The following NEGR1 variants were observed in gnomAD, a reference collection of about 807,000 sequenced individuals.
NEGR1 encodes neuronal growth regulator 1.
NEGR1 carries 10 observed loss-of-function variants against 40.9 expected under a neutral mutation model. That is an observed-to-expected ratio of 0.24 (90% CI 0.15 to 0.42). The LOEUF (loss-of-function observed/expected upper bound fraction) is 0.42. Ranked by LOEUF, NEGR1 falls within the 10% of genes least tolerant of loss-of-function variation. The probability of loss-of-function intolerance (pLI) is 1.00; values close to 1 mark genes in which losing one functional copy is unlikely to be tolerated. For synonymous variants in NEGR1, 185 were observed against 166.8 expected (o/e 1.11, Z -0.84); for missense variants, 352 against 438.9 (o/e 0.80, Z 1.77).
chr1:72,139,401 T>TGTAAACAGTTTACAGTTAAACTGTAA (rs1650588762), intron 1 of NEGR1, among the ~76,000 whole-genome samples: 1 of 151,986 alleles, frequency 6.6e-6, no homozygotes, highest in African/African-American at 2.4e-5. Flanking sequence ...CTTTTAATCA[T>TGTAAACAGTTTACAGTTAAACTGTAA]ACTGATCAGA....
chr1:71,692,672 G>A (rs867512028), intron 4 of NEGR1, among the ~76,000 whole-genome samples: 12 of 151,684 alleles, frequency 7.9e-5, no homozygotes, highest in Admixed American at 2.6e-4. Flanking sequence ...TCAAGCTTCC[G>A]TATAATTGTA....
intron 6 of NEGR1, among the ~76,000 whole-genome samples, chr1:71,541,439 G>A (rs919224437): frequency 2.1e-4 from 32 of 151,770 alleles, no homozygotes; most frequent in African/African-American, 7.5e-4. Flanking sequence ...GGCAGCTTGA[G>A]GGTGGAAGAC....
At chr1:71,814,437 G>A (rs1043962636) in intron 2 of NEGR1, among the ~76,000 whole-genome samples, 1 of 152,072 alleles carries the variant, frequency 6.6e-6, no homozygotes, top group Non-Finnish European at 1.5e-5. Flanking sequence ...AAGTGAGTTA[G>A]AGAGAAGTCC....
At chr1:72,094,486 T>C (rs540298273) in intron 1 of NEGR1, among the ~76,000 whole-genome samples, 9 of 152,290 alleles carry the variant, frequency 5.9e-5, no homozygotes, top group African/African-American at 1.9e-4. Flanking sequence ...GAACAGTGCC[T>C]GGTCTTTTCA....
rs534857613 is a variant in NEGR1 at position 71,918,254 on chromosome 1, A to G, written c.409+16825T>C. On this transcript the variant is annotated intron_variant, in intron 2 of 6. Coordinates refer to ENST00000357731, the MANE Select transcript of NEGR1 (RefSeq NM_173808.3). ...AAAAAAAAAAAAAAAAAAAAAAAAA[A>G]AAGAAGAAGAAGAACACATCATACT... Among the ~76,000 whole-genome samples the G allele has an allele frequency of 2.0e-3, 262 of 132,520 alleles. 3 individuals are homozygous for G. The highest frequency in any genetic ancestry group is 6.2e-3 in the South Asian group (25 of 4,056). 86.9% of individuals were successfully genotyped at this position (132,520 alleles called of 152,430 possible).
chr1:72,015,882 T>C (rs888670464), intron 1 of NEGR1, among the ~76,000 whole-genome samples: 18 of 151,986 alleles, frequency 1.2e-4, no homozygotes, highest in African/African-American at 4.3e-4. Flanking sequence ...AATCTCAAAG[T>C]ATATCAGAAT....
chr1:71,754,905 TC>T lies in NEGR1; in HGVS notation c.535+21266del, dbSNP rs553256949. Among the ~76,000 whole-genome samples the T allele has an allele frequency of 2.7e-3, 409 of 152,274 alleles. 3 individuals carry two copies. Among genetic ancestry groups the T allele is most frequent in the Non-Finnish European group, 4.2e-3 (289 of 68,028 alleles). The stretch of plus-strand genomic sequence containing the variant: ...CAGTCTCTTGCTCTTGTCTTTCAAA[TC>T]TTCAGATACTGGCCTTGGGCTCTCT... On this transcript the variant is annotated intron_variant, in intron 3 of 6. Coordinates refer to ENST00000357731, the MANE Select transcript of NEGR1 (RefSeq NM_173808.3).
intron 6 of NEGR1, among the ~76,000 whole-genome samples, chr1:71,456,692 C>A (rs1646675287): frequency 6.6e-6 from 1 of 152,126 alleles, no homozygotes; most frequent in Non-Finnish European, 1.5e-5. Context: ...AAAGAAAATT[C>A]AAAAAATTCC....
At chr1:71,689,802 T>A (rs1034028687) in intron 4 of NEGR1, among the ~76,000 whole-genome samples, 2 of 150,974 alleles carry the variant, frequency 1.3e-5, no homozygotes, top group Non-Finnish European at 3.0e-5. Context: ...TAACATTAAA[T>A]AAATTTAATA....
chr1:72,130,612 T>A (rs1650209731), intron 1 of NEGR1, among the ~76,000 whole-genome samples: 1 of 152,096 alleles, frequency 6.6e-6, no homozygotes, highest in Admixed American at 6.5e-5. Context: ...GCTACTGCTT[T>A]TAGGGTGACT....
chr1:71,539,884 A>G lies in NEGR1; in HGVS notation c.940+52933T>C, dbSNP rs969956653. On this transcript the variant is annotated intron_variant, in intron 6 of 6. Coordinates refer to ENST00000357731, the MANE Select transcript of NEGR1 (RefSeq NM_173808.3). ...TTCTATGCTTAATAAAATTAATAAA[A>G]TAACTTTATACTTATATTCAAAGTT... Among the ~76,000 whole-genome samples, 10 of 151,898 alleles carry G rather than the reference A, an allele frequency of 6.6e-5. 1 individual carries two copies. The highest frequency in any genetic ancestry group is 2.4e-4 in the African/African-American group (10 of 41,522).
At chr1:71,584,684 T>C (rs1649245512) in intron 6 of NEGR1, among the ~76,000 whole-genome samples, 1 of 152,106 alleles carries the variant, frequency 6.6e-6, no homozygotes, top group Non-Finnish European at 1.5e-5. Flanking sequence ...GCTTGATAAG[T>C]ATGCTCCAAG....
intron 1 of NEGR1, among the ~76,000 whole-genome samples, chr1:72,126,516 A>G (rs533010728): frequency 5.9e-5 from 9 of 152,290 alleles, no homozygotes; most frequent in Admixed American, 3.3e-4. Context: ...AAGCAGCACC[A>G]TACTATGACA....
At chr1:72,139,049 T>A (rs934805299) in intron 1 of NEGR1, among the ~76,000 whole-genome samples, 1 of 151,770 alleles carries the variant, frequency 6.6e-6, no homozygotes, top group South Asian at 2.1e-4. Flanking sequence ...AAGAAAGATA[T>A]TTGAAAAATT....
intron 1 of NEGR1, among the ~76,000 whole-genome samples, chr1:72,146,747 T>C (rs1166709948): frequency 6.6e-6 from 1 of 152,208 alleles, no homozygotes; most frequent in Non-Finnish European, 1.5e-5. Context: ...TTAAGTATGT[T>C]GAATAAGCGT....
intron 2 of NEGR1, among the ~76,000 whole-genome samples, chr1:71,859,639 C>T (rs1030105563): frequency 2.6e-5 from 4 of 151,724 alleles, no homozygotes; most frequent in Admixed American, 6.6e-5. Context: ...AGGGTAGATT[C>T]GGCCTGCAGA....
At chr1:72,122,719 G>T (rs959628218) in intron 1 of NEGR1, among the ~76,000 whole-genome samples, 3 of 151,792 alleles carry the variant, frequency 2.0e-5, no homozygotes, top group African/African-American at 4.8e-5. Context: ...AACTCCCATG[G>T]TAGCAATTTT....
At chr1:72,032,234 A>C (rs1005886826) in intron 1 of NEGR1, among the ~76,000 whole-genome samples, 2 of 152,192 alleles carry the variant, frequency 1.3e-5, no homozygotes, top group African/African-American at 2.4e-5. Flanking sequence ...TCTGTGAGGG[A>C]TAATTTGGGA....
chr1:71,585,674 T>C, intron 6 of NEGR1, among the ~76,000 whole-genome samples: 1 of 150,716 alleles, frequency 6.6e-6, no homozygotes. Flanking sequence ...ATTAATCTTG[T>C]ACAACCTCTC....
Sources: allele counts gnomAD v4.1 joint callset (sites outside exome capture counted in the v4.1 genomes callset), GRCh38; gene constraint gnomAD v4.1.1; transcripts MANE v1.5; gene names NCBI Gene and HGNC (gene_info 2026-07-23, HGNC 2026-07-21).